Variants in NACC1 observed in about 807,000 individuals in gnomAD.
NACC1 encodes the protein nucleus accumbens associated 1.
A neutral mutation model predicts 41.7 loss-of-function variants in NACC1; 6 were observed. That is an observed-to-expected ratio of 0.14 (90% CI 0.08 to 0.28). NACC1 has a LOEUF of 0.28. Among genes scored for constraint, NACC1 ranks in the 10% least tolerant of loss-of-function variants. The probability of loss-of-function intolerance (pLI) is 1.00; values close to 1 mark genes in which losing one functional copy is unlikely to be tolerated. For missense variants in NACC1, 434 were observed against 763.7 expected, an observed-to-expected ratio of 0.57 and a Z score of 5.09; for synonymous variants, 338 against 330.6, an observed-to-expected ratio of 1.02 and a Z score of -0.24.
chr19:13,129,743 TGGGGGACCTCAGTCTGAGCATCA>T (rs2019608730), intron 1 of NACC1, among the ~76,000 whole-genome samples: 1 of 152,072 alleles, frequency 6.6e-6, no homozygotes, highest in African/African-American at 2.4e-5. Context: ...TCACAAGGTA[TGGGGGACCTCAGTCTGAGCATCA>T]GGTTGGCTCT....
Position 13,141,057 on chromosome 19 carries a change from C to T in NACC1, c.*2651C>T, listed in dbSNP as rs750305164. 1 of 152,664 alleles carries T rather than the reference C, an allele frequency of 6.6e-6. No homozygotes were observed. Among genetic ancestry groups the T allele is most frequent in the East Asian group, 1.9e-4 (1 of 5,170 alleles). 9.5% of individuals were successfully genotyped at this position (152,664 alleles called of 1,614,324 possible). ...CCCCCAAGTGAGATTGCACATTTAA[C>T]TACTGTAAGGAGAGGAGCGGCGTTG... On this transcript the variant is annotated 3_prime_UTR_variant, in exon 6 of 6. Transcript: ENST00000292431.
At chr19:13,124,307 C>G (rs1302853328) in intron 1 of NACC1, among the ~76,000 whole-genome samples, 1 of 151,786 alleles carries the variant, frequency 6.6e-6, no homozygotes. Flanking sequence ...GGCGGAGGCA[C>G]GAGAATTGCT....
intron 1 of NACC1, among the ~76,000 whole-genome samples, chr19:13,131,013 C>G (rs2019628091): frequency 6.6e-6 from 1 of 152,280 alleles, no homozygotes; most frequent in South Asian, 2.1e-4. Flanking sequence ...TGATACCTTC[C>G]CGCCCAGAAG....
In NACC1 at chr19:13,137,425, T is replaced by TC. The variant is rs745459411; in HGVS notation, c.1227-46dup. Reference sequence around the variant, plus strand: ...GGGAGGGGGGTGGGGTTTCCCCATGTCCCCCCCACCACCAACTTGAGCGCT... The same window carrying TC: ...GGGAGGGGGGTGGGGTTTCCCCATGTCCCCCCCCACCACCAACTTGAGCGCT... On this transcript the variant is annotated intron_variant, in intron 4 of 5. Transcript: ENST00000292431. The surrounding 1 kb of genome is among the most constrained non-coding windows in gnomAD (Gnocchi z 6.1). 5.2e-5 allele frequency: 83 copies of TC among 1,607,966 alleles called. No individual in the cohort carries two copies. Among genetic ancestry groups the TC allele is most frequent in the African/African-American group, 8.0e-5 (6 of 74,722 alleles).
chr19:13,138,513 G>A lies in NACC1; in HGVS notation c.*107G>A. The A allele has an allele frequency of 6.8e-7, 1 of 1,476,966 alleles. No individual in the cohort carries two copies. Among genetic ancestry groups the A allele is most frequent in the Middle Eastern group, 2.3e-4 (1 of 4,296 alleles). 91.5% of individuals were successfully genotyped at this position (1,476,966 alleles called of 1,614,324 possible). A position where few individuals can be genotyped will look rare whatever the true frequency, so the allele number is the denominator to read the frequency against. ...TGTCCCTCCCCAGGACCCGCGGTGG[G>A]TGCTGCATGTTCCCGGCCCTCTGCC... On this transcript the variant is annotated 3_prime_UTR_variant, in exon 6 of 6. Transcript: ENST00000292431. The surrounding 1 kb of genome is among the most constrained non-coding windows in gnomAD (Gnocchi z 5.7).
At position 13,136,428 on chromosome 19, in the gene NACC1, C is replaced by T; in HGVS notation, c.1120+23C>T. 6.3e-7 allele frequency: 1 copy of T among 1,594,388 alleles called. No individual in the cohort carries two copies. Among genetic ancestry groups the T allele is most frequent in the Non-Finnish European group, 8.5e-7 (1 of 1,169,886 alleles). ...CAGGTGGGCCGGTCTCGCCCCAGAT[C>T]TCTCCCCTCCGCAGCTTTGGAGCCG... On this transcript the variant is annotated intron_variant, in intron 3 of 5. Transcript: ENST00000292431. This position sits in a 1 kb window ranked among gnomAD's most constrained non-coding sequence, Gnocchi z 5.5.
In NACC1 at chr19:13,138,076, G is replaced by A. The variant is rs2019731869; in HGVS notation, c.1325-71G>A. ...GAGAGGGAGTCGCAGATGCTGTAGG[G>A]GAGCTGGTGAGTAGGCCTTGTGGGA... On this transcript the variant is annotated intron_variant, in intron 5 of 5. Transcript: ENST00000292431. This position sits in a 1 kb window ranked among gnomAD's most constrained non-coding sequence, Gnocchi z 5.7. The A allele has an allele frequency of 2.5e-6, 4 of 1,576,974 alleles. No homozygotes were observed. The highest frequency in any genetic ancestry group is 2.3e-5 in the South Asian group (2 of 85,502).
At chr19:13,125,412 C>CTTT (rs760978944) in intron 1 of NACC1, among the ~76,000 whole-genome samples, 94 of 100,294 alleles carry the variant, frequency 9.4e-4, no homozygotes, top group African/African-American at 3.4e-3. Flanking sequence ...GAAGGCCCCA[C>CTTT]TTTTTTTTTT....
At position 13,130,652 on chromosome 19, in the gene NACC1, C is replaced by G. The variant is rs2019623331; in HGVS notation, c.-8-4548C>G. ...CCAAGTTCAAGTGATTCTCGTGCCT[C>G]AGCCTCCTGAGTAGCTGGAACTACA... On this transcript the variant is annotated intron_variant, in intron 1 of 5. Transcript: ENST00000292431. 4.0e-5 allele frequency among the ~76,000 whole-genome samples: 6 copies of G among 151,598 alleles called. 1 individual carries two copies. The South Asian group carries it at 1.2e-3, about 32-fold the overall frequency.
chr19:13,137,646 C>G lies in NACC1; in HGVS notation c.1324+71C>G, dbSNP rs1281869722. ...GGTTGACGTTTTTTCCCAGCCTTGGCTCTCAGAGAGGGCTAGAGTTCAGTG... is the reference window on the plus strand; with the variant it reads ...GGTTGACGTTTTTTCCCAGCCTTGGGTCTCAGAGAGGGCTAGAGTTCAGTG... On this transcript the variant is annotated intron_variant, in intron 5 of 5. Coordinates refer to ENST00000292431, the MANE Select transcript of NACC1 (RefSeq NM_052876.4). This position sits in a 1 kb window ranked among gnomAD's most constrained non-coding sequence, Gnocchi z 6.1. The G allele has an allele frequency of 9.1e-6, 12 of 1,322,722 alleles. No homozygotes were observed. The South Asian group carries it at 1.4e-4, about 16-fold the overall frequency. 81.9% of individuals were successfully genotyped at this position (1,322,722 alleles called of 1,614,324 possible).
intron 1 of NACC1, among the ~76,000 whole-genome samples, chr19:13,120,027 G>A (rs1474508389): frequency 6.6e-6 from 1 of 152,216 alleles, no homozygotes; most frequent in East Asian, 1.9e-4. Flanking sequence ...GTGACTGAAG[G>A]AGCTCCTCGT....
chr19:13,118,494 A>T (rs2019434048), intron 1 of NACC1, 40 bp downstream of exon 1: 1 of 149,920 alleles, frequency 6.7e-6, no homozygotes, highest in Non-Finnish European at 1.5e-5. Flanking sequence ...GGCCTCCTCC[A>T]GCCGGGGCGG....
chr19:13,131,152 A>G (rs866388059), intron 1 of NACC1, among the ~76,000 whole-genome samples: 27 of 152,290 alleles, frequency 1.8e-4, no homozygotes, highest in Middle Eastern at 6.8e-3. Flanking sequence ...ACAGCTCCAC[A>G]TAAGCACAGC....
chr19:13,137,190 G>A lies in NACC1; in HGVS notation c.1121-81G>A, dbSNP rs1470950275. ...GAGCCCAGCAGGGAGGGCCTGGGGTGTTCTGAGATGAGGCCTGGTATCATG... is the reference window on the plus strand; with the variant it reads ...GAGCCCAGCAGGGAGGGCCTGGGGTATTCTGAGATGAGGCCTGGTATCATG... On this transcript the variant is annotated intron_variant, in intron 3 of 5. Coordinates refer to ENST00000292431, the MANE Select transcript of NACC1 (RefSeq NM_052876.4). The surrounding 1 kb of genome is among the most constrained non-coding windows in gnomAD (Gnocchi z 6.1). 6.5e-6 allele frequency: 9 copies of A among 1,374,646 alleles called. No individual in the cohort carries two copies. Among genetic ancestry groups the A allele is most frequent in the African/African-American group, 1.4e-5 (1 of 70,484 alleles). 85.2% of individuals were successfully genotyped at this position (1,374,646 alleles called of 1,614,324 possible).
In NACC1 at chr19:13,136,454, G is replaced by A; in HGVS notation, c.1120+49G>A. 6.4e-7 allele frequency: 1 copy of A among 1,559,692 alleles called. No homozygotes were observed. Among genetic ancestry groups the A allele is most frequent in the Non-Finnish European group, 8.7e-7 (1 of 1,153,730 alleles). On this transcript the variant is annotated intron_variant, in intron 3 of 5. Coordinates refer to ENST00000292431, the MANE Select transcript of NACC1 (RefSeq NM_052876.4). The surrounding 1 kb of genome is among the most constrained non-coding windows in gnomAD (Gnocchi z 5.5). ...TCTCCCCTCCGCAGCTTTGGAGCCG[G>A]CTGGCCTGGGCTGGGCTGGGCAGCT...
rs186707486 is a variant in NACC1, at chr19:13,132,055, T to C, written c.-8-3145T>C. 4.8e-3 allele frequency among the ~76,000 whole-genome samples: 731 copies of C among 151,896 alleles called. 3 individuals are homozygous for C. Among genetic ancestry groups the C allele is most frequent in the Non-Finnish European group, 7.1e-3 (485 of 67,908 alleles). On this transcript the variant is annotated intron_variant, in intron 1 of 5. Coordinates refer to ENST00000292431, the MANE Select transcript of NACC1 (RefSeq NM_052876.4). ...TTTGTATTTTTAATAAAGATGGAGT[T>C]TCACCGTGTTTGCCAGGCTGGTCTC...
chr19:13,123,283 TG>T (rs2019522011), intron 1 of NACC1, among the ~76,000 whole-genome samples: 2 of 152,212 alleles, frequency 1.3e-5, no homozygotes, highest in East Asian at 3.9e-4. Flanking sequence ...GGGAGTGGGA[TG>T]TAACTCCGAA....
intron 1 of NACC1, among the ~76,000 whole-genome samples, chr19:13,120,021 C>T (rs1184492139): frequency 6.6e-6 from 1 of 152,220 alleles, no homozygotes; most frequent in Non-Finnish European, 1.5e-5. Flanking sequence ...AGGAGGGTGA[C>T]TGAAGGAGCT....
chr19:13,119,172 G>C (rs1039494955), intron 1 of NACC1, among the ~76,000 whole-genome samples: 1 of 151,784 alleles, frequency 6.6e-6, no homozygotes, highest in Admixed American at 6.6e-5. Flanking sequence ...GCTAGGCTAG[G>C]GGGGATGTGG....
Sources: allele counts gnomAD v4.1 joint callset (sites outside exome capture counted in the v4.1 genomes callset), GRCh38; gene constraint gnomAD v4.1.1; non-coding constraint Gnocchi (gnomAD v3.1); transcripts MANE v1.5; gene names NCBI Gene and HGNC (gene_info 2026-07-23, HGNC 2026-07-21).